Variants in CACNA1I observed in about 807,000 individuals in gnomAD.
CACNA1I encodes voltage-dependent T-type calcium channel subunit alpha-1I.
A neutral mutation model predicts 201.6 loss-of-function variants in CACNA1I; 74 were observed. That is an observed-to-expected ratio of 0.37 (90% CI 0.30 to 0.45). The LOEUF is 0.45. Among genes scored for constraint, CACNA1I ranks in the 20% least tolerant of loss-of-function variants. The pLI is 1.00. For missense variants in CACNA1I, 2,346 were observed against 3,138.1 expected (o/e 0.75, Z 6.03); for synonymous variants, 1,431 against 1,345.2 (o/e 1.06, Z -1.40).
At position 39,606,594 on chromosome 22, in the gene CACNA1I, G is replaced by T. The variant is rs545752917; in HGVS notation, c.482+5941G>T. 2.0e-5 allele frequency among the ~76,000 whole-genome samples: 3 copies of T among 152,176 alleles called. No individual in the cohort carries two copies. The East Asian group carries it at 5.8e-4, about 29-fold the overall frequency. On this transcript the variant is annotated intron_variant, in intron 3 of 36. Transcript: ENST00000402142. ...GTTGCCCAGGCTGGAGTGCAGTGGC[G>T]CCATCTCGGCTCACTACAACCTCAG...
intron 4 of CACNA1I, among the ~76,000 whole-genome samples, chr22:39,619,906 T>C (rs1436901373): frequency 1.3e-5 from 2 of 152,066 alleles, no homozygotes; most frequent in Non-Finnish European, 2.9e-5. Context: ...CACCGGTTCA[T>C]CCATCCACCC....
At chr22:39,668,230 T>TGA in intron 23 of CACNA1I, 62 bp from the exon 24 acceptor site, 3 of 949,888 alleles carry the variant, frequency 3.2e-6, no homozygotes, top group Non-Finnish European at 5.1e-6. Flanking sequence ...TGAGGAGGGG[T>TGA]GGCTGCAGCT....
At chr22:39,598,948 T>TTTG (rs1555902530) in intron 2 of CACNA1I, among the ~76,000 whole-genome samples, 1 of 127,446 alleles carries the variant, frequency 7.8e-6, no homozygotes, top group Non-Finnish European at 1.7e-5. Context: ...TGGGTTTTTT[T>TTTG]TTTTTTTTTT....
In CACNA1I at chr22:39,684,427, C is replaced by T; in HGVS notation, c.5956C>T (p.Pro1986Ser). 1 of 1,613,598 alleles carries T rather than the reference C, an allele frequency of 6.2e-7. No homozygotes were observed. Among genetic ancestry groups the T allele is most frequent in the Non-Finnish European group, 8.5e-7 (1 of 1,179,886 alleles). ...AAAGGGCACTGGCACTGGAACCCTC[C>T]CCAAGATTGCGCTGCAGGGCTCCTG... is the stretch of plus-strand genomic sequence containing the variant. ...PEKGTGTGTL[P>S]KIALQGSWAS... is the part of the protein sequence containing the mutation. Residue 1986 changes from proline to serine, a missense_variant, in exon 36 of 37, where the codon CCC becomes TCC. Transcript: ENST00000402142. This position sits in a 1 kb window ranked among gnomAD's most constrained non-coding sequence, Gnocchi z 4.6.
chr22:39,604,511 G>A (rs1464863935), intron 3 of CACNA1I, among the ~76,000 whole-genome samples: 1 of 152,172 alleles, frequency 6.6e-6, no homozygotes, highest in African/African-American at 2.4e-5. Context: ...TTATGAACAA[G>A]GGGCCCTGCA....
At chr22:39,617,399 G>C (rs1380387013) in intron 3 of CACNA1I, among the ~76,000 whole-genome samples, 1 of 152,160 alleles carries the variant, frequency 6.6e-6, no homozygotes, top group Non-Finnish European at 1.5e-5. Flanking sequence ...GCTCTCCCTA[G>C]GGACTGACTC....
chr22:39,662,906 T>C (rs1935073389), intron 18 of CACNA1I, 30 bp downstream of exon 18: 1 of 1,386,294 alleles, frequency 7.2e-7, no homozygotes, highest in Middle Eastern at 2.1e-4. Flanking sequence ...GGGTGAGGGT[T>C]AGAGTAGGGG....
In CACNA1I at chr22:39,661,491, C is replaced by T. The variant is rs533052952; in HGVS notation, c.2901+181C>T. On this transcript the variant is annotated intron_variant, in intron 16 of 36. Transcript: ENST00000402142. ...CAGAGTGGGACCTGGCAATAAGGAACGAATGAAGGCCTAGTGCCAGTGGGG... is the reference window on the plus strand; with the variant it reads ...CAGAGTGGGACCTGGCAATAAGGAATGAATGAAGGCCTAGTGCCAGTGGGG... 2.0e-3 allele frequency among the ~76,000 whole-genome samples: 302 copies of T among 152,286 alleles called. 8 individuals are homozygous for T. In the South Asian group the frequency reaches 0.038, roughly 19 times the overall value.
chr22:39,628,652 G>T (rs470070), intron 4 of CACNA1I, among the ~76,000 whole-genome samples: 22,103 of 152,114 alleles, frequency 0.15, 1,981 homozygotes, highest in Admixed American at 0.27. Flanking sequence ...CTGTGACCCC[G>T]GCAAGCTGGC....
chr22:39,618,229 GTGC>G (rs1357105781), intron 3 of CACNA1I, among the ~76,000 whole-genome samples: 2 of 124,222 alleles, frequency 1.6e-5, no homozygotes, highest in African/African-American at 2.6e-5. Context: ...GTGTGACTGT[GTGC>G]AGGTGTGTGG....
At position 39,672,217 on chromosome 22, in the gene CACNA1I, A is replaced by C. The variant is rs1481980372; in HGVS notation, c.4558A>C (p.Lys1520Gln). 6 of 1,613,266 alleles carry C rather than the reference A, an allele frequency of 3.7e-6. No homozygotes were observed. The highest frequency in any genetic ancestry group is 5.1e-6 in the Non-Finnish European group (6 of 1,179,286). Residue 1520 changes from lysine (K) to glutamine (Q), a missense_variant, in exon 27 of 37, where the codon AAG becomes CAG. By Grantham distance (53) the Lys-to-Gln change is moderately conservative (BLOSUM62 1). Transcript: ENST00000402142. ...TCCATAGTCCCTGGAGACAGCCCTC[A>C]AGTACTGCAACTATATGTTCACCAC... Reference protein sequence around the residue: ...NQPTSLETALKYCNYMFTTVF... With the variant: ...NQPTSLETALQYCNYMFTTVF...
chr22:39,616,764 CAAAA>C (rs66551782), intron 3 of CACNA1I, among the ~76,000 whole-genome samples: 14 of 107,364 alleles, frequency 1.3e-4, no homozygotes, highest in Admixed American at 1.8e-4. Flanking sequence ...AACTCTGTCT[CAAAA>C]AAAAAAAAAA....
At chr22:39,663,998 TCTC>T in intron 19 of CACNA1I, 90 bp from the exon 20 acceptor site, 4 of 1,517,620 alleles carry the variant, frequency 2.6e-6, no homozygotes, top group Non-Finnish European at 3.7e-6. Flanking sequence ...GGTGGCAGCC[TCTC>T]CTCTACGAAC....
chr22:39,590,516 G>A (rs554827379), intron 1 of CACNA1I, among the ~76,000 whole-genome samples: 1 of 152,356 alleles, frequency 6.6e-6, no homozygotes, highest in Admixed American at 6.5e-5. Flanking sequence ...TGCCTGGCTG[G>A]GAGCCTCAGA....
chr22:39,678,855 G>A (rs1935593830), intron 31 of CACNA1I, among the ~76,000 whole-genome samples: 1 of 152,220 alleles, frequency 6.6e-6, no homozygotes, highest in Admixed American at 6.5e-5. Context: ...CCAGCTGTGG[G>A]GAGGGTGACA....
intron 31 of CACNA1I, among the ~76,000 whole-genome samples, chr22:39,678,719 G>T (rs116568598): frequency 0.024 from 3,611 of 152,258 alleles, 154 homozygotes; most frequent in African/African-American, 0.082. Context: ...GTGGTTGGGG[G>T]TTGAGCTGAA....
chr22:39,591,322 C>T (rs1932819288), intron 1 of CACNA1I, among the ~76,000 whole-genome samples: 1 of 151,568 alleles, frequency 6.6e-6, no homozygotes. Flanking sequence ...CCACCACGCC[C>T]AGTTAATTTT....
In CACNA1I at chr22:39,586,093, G is replaced by A. The variant is rs187127200; in HGVS notation, c.237-12058G>A. Among the ~76,000 whole-genome samples the A allele has an allele frequency of 2.8e-4, 43 of 151,622 alleles. 1 individual carries two copies. In the East Asian group the frequency reaches 8.1e-3, roughly 29 times the overall value. ...CTCAGGGGGCTGAGGCAGGAGAATC[G>A]CTTGAACCAGGGAGTCAGAAGTTGC... On this transcript the variant is annotated intron_variant, in intron 1 of 36. Transcript: ENST00000402142.
At chr22:39,578,354 C>A (rs1194482633) in intron 1 of CACNA1I, among the ~76,000 whole-genome samples, 1 of 152,162 alleles carries the variant, frequency 6.6e-6, no homozygotes, top group Non-Finnish European at 1.5e-5. Context: ...TTAGGAAGTC[C>A]TCCCTTAATC....
Sources: allele counts gnomAD v4.1 joint callset (sites outside exome capture counted in the v4.1 genomes callset), GRCh38; gene constraint gnomAD v4.1.1; non-coding constraint Gnocchi (gnomAD v3.1); transcripts MANE v1.5; gene names NCBI Gene and HGNC (gene_info 2026-07-23, HGNC 2026-07-21).